The following MPP3 variants were observed in gnomAD, a reference collection of about 807,000 sequenced individuals.
MPP3 encodes MAGUK p55 scaffold protein 3.
MPP3 carries 48 observed loss-of-function variants against 80.7 expected under a neutral mutation model. The ratio of observed to expected loss-of-function variants is 0.59; its 90% confidence interval spans 0.47 to 0.76. The LOEUF (loss-of-function observed/expected upper bound fraction) is 0.76, where lower values mean the gene tolerates loss of function less well. MPP3 is among the 30% of genes least tolerant of loss of function. MPP3 has a pLI of 0.00. For synonymous variants in MPP3, 311 were observed against 297.6 expected, an observed-to-expected ratio of 1.04 and a Z score of -0.46; for missense variants, 620 against 763.0, an observed-to-expected ratio of 0.81 and a Z score of 2.21.
At position 43,831,679 on chromosome 17, in the gene MPP3, TG is replaced by T; in HGVS notation, c.26-3del. The T allele has an allele frequency of 6.2e-7, 1 of 1,602,318 alleles. No homozygotes were observed. Among genetic ancestry groups the T allele is most frequent in the Non-Finnish European group, 8.5e-7 (1 of 1,173,032 alleles). ...GCAGGGCCAGGGTTTCATGCAAACC[TG>T]GGGAGAGGTGAGAAAAACAAAGGAT... On this transcript the variant is annotated splice_polypyrimidine_tract_variant and splice_region_variant and intron_variant, in intron 3 of 19. Transcript: ENST00000398389.
intron 18 of MPP3, among the ~76,000 whole-genome samples, chr17:43,809,784 C>T (rs1285210661): frequency 6.6e-6 from 1 of 152,070 alleles, no homozygotes; most frequent in Non-Finnish European, 1.5e-5. Context: ...GAGGCTGAGG[C>T]AAGAGAATGG....
At chr17:43,810,970 G>T in intron 17 of MPP3, 55 bp from the exon 18 acceptor site, 3 of 1,480,118 alleles carry the variant, frequency 2.0e-6, no homozygotes, top group Admixed American at 1.9e-5. Context: ...TCCTAAATTA[G>T]CAAAGCAAAG....
intron 19 of MPP3, among the ~76,000 whole-genome samples, chr17:43,808,094 A>T (rs2044694560): frequency 6.6e-6 from 1 of 152,240 alleles, no homozygotes; most frequent in Admixed American, 6.5e-5. Context: ...GTCTTTAAAA[A>T]AATAATAATA....
At position 43,831,617 on chromosome 17, in the gene MPP3, T is replaced by C. The variant is rs551952499; in HGVS notation, c.86A>G (p.Glu29Gly). 6 of 1,613,956 alleles carry C rather than the reference T, an allele frequency of 3.7e-6. No homozygotes were observed. In the African/African-American group the frequency reaches 5.3e-5, roughly 14 times the overall value. Residue 29 changes from glutamate (E) to glycine (G), a missense_variant, in exon 4 of 20, where the codon GAG becomes GGG. By Grantham distance (98) the Glu-to-Gly change is moderately conservative. Coordinates refer to ENST00000398389, the MANE Select transcript of MPP3 (RefSeq NM_001932.6). ...AACATCCCTCAGGAAGCCCATCTCCTCCTTGTGGTTGGAGTCAGGTCTGAG... is the reference window on the plus strand; with the variant it reads ...AACATCCCTCAGGAAGCCCATCTCCCCCTTGTGGTTGGAGTCAGGTCTGAG... Reference protein sequence around the residue: ...SQLRPDSNHKEEMGFLRDVFS... With the variant: ...SQLRPDSNHKGEMGFLRDVFS...
chr17:43,824,643 A>C (rs1331462117), intron 9 of MPP3, among the ~76,000 whole-genome samples: 4 of 152,176 alleles, frequency 2.6e-5, no homozygotes, highest in African/African-American at 9.7e-5. Flanking sequence ...TCCACTACCC[A>C]GAAAGCCCAG....
At chr17:43,828,326 G>A (rs1567826750) in intron 7 of MPP3, among the ~76,000 whole-genome samples, 3 of 152,174 alleles carry the variant, frequency 2.0e-5, no homozygotes, top group African/African-American at 7.2e-5. Context: ...ACCAGGACTT[G>A]GCCCATGAAG....
chr17:43,818,045 C>T lies in MPP3; in HGVS notation c.946+1G>A. On this transcript the variant is annotated splice_donor_variant, in intron 12 of 19. Transcript: ENST00000398389. LOFTEE classifies it high-confidence loss of function. Reference sequence around the variant, plus strand: ...AGTGCCATCCCTGACAATCTACTCACAGGGGGGCTTCCTGAGGCTCTGGGG... The same window carrying T: ...AGTGCCATCCCTGACAATCTACTCATAGGGGGGCTTCCTGAGGCTCTGGGG... 1 of 1,582,770 alleles carries T rather than the reference C, an allele frequency of 6.3e-7. No individual in the cohort carries two copies. The highest frequency in any genetic ancestry group is 8.6e-7 in the Non-Finnish European group (1 of 1,164,226).
chr17:43,820,878 T>C lies in MPP3; in HGVS notation c.865A>G (p.Lys289Glu). The C allele has an allele frequency of 6.2e-7, 1 of 1,614,134 alleles. No individual in the cohort carries two copies. The highest frequency in any genetic ancestry group is 8.5e-7 in the Non-Finnish European group (1 of 1,179,998). ...CAGACCCACCTCTCCTGGAACCCCT[T>C]GGAGGGGATGAGGCCGGCTCGAAGG... is the stretch of plus-strand genomic sequence containing the variant. Reference protein sequence around the residue: ...TNLRAGLIPSKGFQERRLSYR... With the variant: ...TNLRAGLIPSEGFQERRLSYR... Residue 289 changes from lysine to glutamate, a missense_variant, in exon 11 of 20, where the codon AAG becomes GAG. By Grantham distance (56) the Lys-to-Glu change is moderately conservative. Coordinates refer to ENST00000398389, the MANE Select transcript of MPP3 (RefSeq NM_001932.6).
chr17:43,818,559 C>T (rs1395030470), intron 11 of MPP3, among the ~76,000 whole-genome samples: 2 of 152,146 alleles, frequency 1.3e-5, no homozygotes, highest in Non-Finnish European at 2.9e-5. Flanking sequence ...AGGCTCAGCC[C>T]GGGCAGACTG....
Position 43,818,118 on chromosome 17 carries a change from G to T in MPP3, c.882-8C>A. 6.5e-7 allele frequency: 1 copy of T among 1,532,296 alleles called. No individual in the cohort carries two copies. Among genetic ancestry groups the T allele is most frequent in the Non-Finnish European group, 8.8e-7 (1 of 1,136,050 alleles). 94.9% of individuals were successfully genotyped at this position (1,532,296 alleles called of 1,614,324 possible). ...CTCCGGTAGCTTAGTCGTCTGCAGG[G>T]ACACAAGGGGATGGGCGGGCCCGTG... On this transcript the variant is annotated splice_polypyrimidine_tract_variant and splice_region_variant and intron_variant, in intron 11 of 19. Transcript: ENST00000398389.
rs551081844 is a variant in MPP3, at chr17:43,827,764, T to G, written c.510A>C (p.Ala170=). The change falls in exon 8 of 20, where the codon GCA becomes GCC. Residue 170 remains alanine, a synonymous_variant. Transcript: ENST00000398389. Reference sequence around the variant, plus strand: ...GCCGCCACTCACCGCTCCTGTCTGCTGCGCCTCCTCGCATGATCCTGGCCA... The same window carrying G: ...GCCGCCACTCACCGCTCCTGTCTGCGGCGCCTCCTCGCATGATCCTGGCCA... ...VVVARIMRGG[A]ADRSGLVHVG... is the part of the protein sequence containing the mutation. 4 of 1,611,876 alleles carry G rather than the reference T, an allele frequency of 2.5e-6. No homozygotes were observed. The South Asian group carries it at 4.4e-5, about 18-fold the overall frequency.
In MPP3 at chr17:43,810,807, T is replaced by A. The variant is rs753164310; in HGVS notation, c.1458A>T (p.Glu486Asp). ...NKVCLVDVEPEALKQLRTSEF... is the reference protein window; with the variant it reads ...NKVCLVDVEPDALKQLRTSEF... The stretch of plus-strand genomic sequence containing the variant: ...ATGGCCAGCAGGCCCAGCAACTCAC[T>A]TCTGGCTCCACATCCACCAAACAAA... Residue 486 changes from glutamate (E) to aspartate (D), a missense_variant and splice_region_variant, in exon 18 of 20, where the codon GAA becomes GAT. Physicochemically the swap from Glu to Asp is conservative, Grantham distance 45. Coordinates refer to ENST00000398389, the MANE Select transcript of MPP3 (RefSeq NM_001932.6). 6.2e-7 allele frequency: 1 copy of A among 1,602,334 alleles called. No homozygotes were observed. The highest frequency in any genetic ancestry group is 1.8e-5 in the Admixed American group (1 of 56,996).
rs1201640623 is a variant in MPP3, at chr17:43,801,927, C to T, written c.1582-50G>A. ...GAGCAACTGGGTTGTTCTCCTATAACAAACCTATAACCTTTGTCTTGAGCA... is the reference window on the plus strand; with the variant it reads ...GAGCAACTGGGTTGTTCTCCTATAATAAACCTATAACCTTTGTCTTGAGCA... On this transcript the variant is annotated intron_variant, in intron 19 of 19. Coordinates refer to ENST00000398389, the MANE Select transcript of MPP3 (RefSeq NM_001932.6). 6 of 1,574,410 alleles carry T rather than the reference C, an allele frequency of 3.8e-6. 1 individual carries two copies. The Middle Eastern group carries it at 1.3e-3, about 335-fold the overall frequency.
Position 43,823,952 on chromosome 17 carries a change from T to C in MPP3, c.663A>G (p.Glu221=). 1 of 1,610,970 alleles carries C rather than the reference T, an allele frequency of 6.2e-7. No homozygotes were observed. The highest frequency in any genetic ancestry group is 8.5e-7 in the Non-Finnish European group (1 of 1,178,774). The part of the protein sequence containing the change: ...TLKIIPATQE[E]DRLKESKVFM... ...ATACCTTGCTCTCCTTTAAGCGATC[T>C]TCCTCCTGGGTGGCTGGGATGATTT... is the stretch of plus-strand genomic sequence containing the variant. The change falls in exon 10 of 20, where the codon GAA becomes GAG. Residue 221 remains glutamate, a synonymous_variant. Coordinates refer to ENST00000398389, the MANE Select transcript of MPP3 (RefSeq NM_001932.6).
intron 8 of MPP3, among the ~76,000 whole-genome samples, chr17:43,826,897 G>A (rs2143095227): frequency 6.7e-6 from 1 of 149,462 alleles, no homozygotes; most frequent in East Asian, 2.0e-4. Context: ...GTGTAGTGGT[G>A]TAATCACGGC....
rs1328462073 is a variant in MPP3, at chr17:43,801,301, A to C, written c.*400T>G. 1 of 157,484 alleles carries C rather than the reference A, an allele frequency of 6.3e-6. No individual in the cohort carries two copies. Among genetic ancestry groups the C allele is most frequent in the Non-Finnish European group, 1.4e-5 (1 of 71,814 alleles). 9.8% of individuals were successfully genotyped at this position (157,484 alleles called of 1,614,324 possible). On this transcript the variant is annotated 3_prime_UTR_variant, in exon 20 of 20. Transcript: ENST00000398389. ...CATGTAAAATCCCCTTGGATAAAAC[A>C]AGTTAGCTTCCAAAAAAACTACTAA...
In MPP3 at chr17:43,831,574, G is replaced by A; in HGVS notation, c.129C>T (p.Leu43=). 6.2e-7 allele frequency: 1 copy of A among 1,612,772 alleles called. No individual in the cohort carries two copies. The highest frequency in any genetic ancestry group is 8.5e-7 in the Non-Finnish European group (1 of 1,178,902). The part of the protein sequence containing the change: ...FLRDVFSEKS[L]SYLMKIHEKL... ...GGGACTTCACCTTCATTAAGTAACT[G>A]AGGCTTTTTTCACTGAAAACATCCC... is the stretch of plus-strand genomic sequence containing the variant. Residue 43 remains leucine (L), a synonymous_variant, in exon 4 of 20, where the codon CTC becomes CTT. Transcript: ENST00000398389.
intron 19 of MPP3, among the ~76,000 whole-genome samples, chr17:43,807,771 C>T (rs1291806420): frequency 6.6e-6 from 1 of 152,048 alleles, no homozygotes; most frequent in African/African-American, 2.4e-5. Context: ...GCCTGGCCAA[C>T]ACAGAGACAC....
In MPP3 at chr17:43,809,052, T is replaced by C; in HGVS notation, c.1485A>G (p.Glu495=). 6.3e-7 allele frequency: 1 copy of C among 1,598,008 alleles called. No homozygotes were observed. The highest frequency in any genetic ancestry group is 1.1e-5 in the South Asian group (1 of 87,128). The change falls in exon 19 of 20, where the codon GAA becomes GAG. Residue 495 remains glutamate (E), a synonymous_variant. Coordinates refer to ENST00000398389, the MANE Select transcript of MPP3 (RefSeq NM_001932.6). The part of the protein sequence containing the change: ...PEALKQLRTS[E]FKPYIIFVKP... Reference sequence around the variant, plus strand: ...TTACAAATATAATATAGGGTTTAAATTCTGAGGTCCTCAGTTGTTTCAGTG... The same window carrying C: ...TTACAAATATAATATAGGGTTTAAACTCTGAGGTCCTCAGTTGTTTCAGTG...
Sources: allele counts gnomAD v4.1 joint callset (sites outside exome capture counted in the v4.1 genomes callset), GRCh38; gene constraint gnomAD v4.1.1; transcripts MANE v1.5; gene names NCBI Gene and HGNC (gene_info 2026-07-23, HGNC 2026-07-21).